The following FHIP1A variants were observed in gnomAD, a reference collection of about 807,000 sequenced individuals.
The protein encoded by FHIP1A is FHF complex subunit HOOK interacting protein 1A, also known as FHF complex subunit HOOK-interacting protein 1A.
FHIP1A carries 61 observed loss-of-function variants against 88.6 expected under a neutral mutation model. The observed-to-expected ratio is 0.69, with a 90% CI of 0.56 to 0.85. The LOEUF (loss-of-function observed/expected upper bound fraction) is 0.85. Ranked by LOEUF, FHIP1A falls within the 40% of genes least tolerant of loss-of-function variation. FHIP1A has a pLI of 0.00. For synonymous variants in FHIP1A, 478 were observed against 496.0 expected (o/e 0.96, Z 0.48); for missense variants, 1,154 against 1,273.5 (o/e 0.91, Z 1.43).
chr4:151,646,251 A>T (rs1736786564), intron 9 of FHIP1A, among the ~76,000 whole-genome samples: 1 of 152,196 alleles, frequency 6.6e-6, no homozygotes. Context: ...GAAAAGGGGA[A>T]AGCACAGGCC....
chr4:151,550,825 C>T (rs143852365), intron 3 of FHIP1A, among the ~76,000 whole-genome samples: 2 of 152,268 alleles, frequency 1.3e-5, no homozygotes, highest in African/African-American at 2.4e-5. Flanking sequence ...TGAATCAGCA[C>T]CTGTCAGGGA....
chr4:151,654,206 A>C (rs1252958018), intron 11 of FHIP1A, among the ~76,000 whole-genome samples: 1 of 151,700 alleles, frequency 6.6e-6, no homozygotes, highest in African/African-American at 2.4e-5. Flanking sequence ...GTCAAAGTGG[A>C]CTCCATTTGT....
chr4:151,511,590 C>G (rs1210687858), intron 3 of FHIP1A, among the ~76,000 whole-genome samples: 1 of 152,200 alleles, frequency 6.6e-6, no homozygotes, highest in Non-Finnish European at 1.5e-5. Flanking sequence ...CCTAATACTG[C>G]GCTTTTCCCA....
At chr4:151,545,631 C>G (rs1269709750) in intron 3 of FHIP1A, among the ~76,000 whole-genome samples, 2 of 152,118 alleles carry the variant, frequency 1.3e-5, no homozygotes, top group East Asian at 1.9e-4. Flanking sequence ...CCGGCCTCAG[C>G]CTCCCAAAGT....
chr4:151,444,716 C>T (rs1389071272), intron 1 of FHIP1A, among the ~76,000 whole-genome samples: 4 of 152,072 alleles, frequency 2.6e-5, no homozygotes, highest in Admixed American at 6.6e-5. Flanking sequence ...TGCTCTTTTA[C>T]GCAAGCTTAT....
intron 5 of FHIP1A, among the ~76,000 whole-genome samples, chr4:151,583,535 G>A (rs1194200774): frequency 1.3e-5 from 2 of 152,174 alleles, no homozygotes. Flanking sequence ...TGTCACTGAT[G>A]TATGTAATTT....
At chr4:151,546,669 C>T (rs745470298) in intron 3 of FHIP1A, among the ~76,000 whole-genome samples, 3 of 152,162 alleles carry the variant, frequency 2.0e-5, no homozygotes, top group Non-Finnish European at 4.4e-5. Context: ...TGAGAAATCT[C>T]AGTTACCCAG....
intron 3 of FHIP1A, among the ~76,000 whole-genome samples, chr4:151,547,630 T>C (rs1262270295): frequency 6.6e-6 from 1 of 152,200 alleles, no homozygotes; most frequent in Non-Finnish European, 1.5e-5. Flanking sequence ...GACTCTGTGC[T>C]GGGCCAGGCA....
chr4:151,473,277 C>T (rs564055745), intron 2 of FHIP1A, among the ~76,000 whole-genome samples: 4 of 151,738 alleles, frequency 2.6e-5, no homozygotes, highest in East Asian at 1.9e-4. Context: ...TGTATTAAGC[C>T]GAGTTTTATT....
At chr4:151,472,059 T>C (rs1729532848) in intron 2 of FHIP1A, among the ~76,000 whole-genome samples, 1 of 152,164 alleles carries the variant, frequency 6.6e-6, no homozygotes. Context: ...CAACTGCGAA[T>C]TGTGAGAAGC....
chr4:151,438,539 AT>A (rs748927344), intron 1 of FHIP1A, among the ~76,000 whole-genome samples: 2 of 152,010 alleles, frequency 1.3e-5, no homozygotes, highest in South Asian at 2.1e-4. Flanking sequence ...AAACAAAAAA[AT>A]CTACCTCACC....
intron 9 of FHIP1A, among the ~76,000 whole-genome samples, chr4:151,645,506 C>G (rs1043620424): frequency 6.6e-6 from 1 of 151,332 alleles, no homozygotes; most frequent in African/African-American, 2.4e-5. Context: ...TACTTTTTAT[C>G]TTTTTTTTAC....
intron 13 of FHIP1A, among the ~76,000 whole-genome samples, 173 bp downstream of exon 13, chr4:151,657,071 A>G (rs749590209): frequency 3.3e-5 from 5 of 152,216 alleles, no homozygotes; most frequent in Non-Finnish European, 5.9e-5. Flanking sequence ...AAACCTAAAG[A>G]AAGGTCTGCC....
chr4:151,440,374 T>C (rs962948743), intron 1 of FHIP1A, among the ~76,000 whole-genome samples: 2 of 152,180 alleles, frequency 1.3e-5, no homozygotes, highest in African/African-American at 4.8e-5. Context: ...TGACACATAG[T>C]AGGTGCCAAG....
At chr4:151,569,955 C>T (rs1181169295) in intron 4 of FHIP1A, among the ~76,000 whole-genome samples, 1 of 152,176 alleles carries the variant, frequency 6.6e-6, no homozygotes, top group Non-Finnish European at 1.5e-5. Flanking sequence ...CAAATAGTGA[C>T]ACTGAAGAGT....
intron 11 of FHIP1A, among the ~76,000 whole-genome samples, chr4:151,651,152 C>G (rs1352862636): frequency 1.3e-5 from 2 of 152,136 alleles, no homozygotes; most frequent in Non-Finnish European, 2.9e-5. Flanking sequence ...ATCACAAAAT[C>G]TTTATCCAAA....
intron 3 of FHIP1A, among the ~76,000 whole-genome samples, chr4:151,504,765 G>T (rs1026534546): frequency 1.3e-5 from 2 of 152,116 alleles, no homozygotes; most frequent in African/African-American, 4.8e-5. Context: ...GGGATTACAG[G>T]CATGTGTCAC....
intron 2 of FHIP1A, among the ~76,000 whole-genome samples, chr4:151,472,375 G>A (rs1261344755): frequency 2.0e-5 from 3 of 151,948 alleles, no homozygotes; most frequent in African/African-American, 7.3e-5. Context: ...TTCTGGTCAA[G>A]AGAATTTAAG....
intron 2 of FHIP1A, among the ~76,000 whole-genome samples, chr4:151,472,437 G>C (rs1729554390): frequency 6.6e-6 from 1 of 152,018 alleles, no homozygotes; most frequent in Non-Finnish European, 1.5e-5. Context: ...ATGGCTGATA[G>C]GCTGGGTGCT....
Sources: gnomAD v4.1 joint callset for allele counts (sites outside exome capture counted in the v4.1 genomes callset) on GRCh38, gnomAD v4.1.1 for gene constraint, MANE v1.5 for transcripts, NCBI Gene and HGNC (gene_info 2026-07-23, HGNC 2026-07-21) for gene names.